The following SH3RF2 variants were observed in gnomAD, a reference collection of about 807,000 sequenced individuals.
SH3RF2 encodes E3 ubiquitin-protein ligase SH3RF2.
Under a neutral mutation model 59.0 loss-of-function variants are expected in SH3RF2, and 43 were observed. That is an observed-to-expected ratio of 0.73 (90% CI 0.57 to 0.94). The LOEUF (loss-of-function observed/expected upper bound fraction) is 0.94. SH3RF2 is among the 40% of genes least tolerant of loss of function. The pLI is 0.00. For synonymous variants in SH3RF2, 391 were observed against 391.5 expected (o/e 1.00, Z 0.01); for missense variants, 930 against 940.1 (o/e 0.99, Z 0.14).
At chr5:146,012,471 C>T (rs1031229722) in intron 4 of SH3RF2, among the ~76,000 whole-genome samples, 3 of 152,072 alleles carry the variant, frequency 2.0e-5, no homozygotes, top group Non-Finnish European at 2.9e-5. Flanking sequence ...TGGTAGAATT[C>T]GGCTGTGAAT....
At chr5:146,073,352 A>G (rs1763274940) in intron 9 of SH3RF2, among the ~76,000 whole-genome samples, 1 of 152,254 alleles carries the variant, frequency 6.6e-6, no homozygotes, top group Non-Finnish European at 1.5e-5. Context: ...CCCTCTGGGC[A>G]CTTGCAGCTT....
intron 2 of SH3RF2, among the ~76,000 whole-genome samples, chr5:145,999,234 TAAAG>T (rs1033528472): frequency 7.2e-5 from 11 of 152,208 alleles, no homozygotes; most frequent in African/African-American, 9.6e-5. Context: ...TTCATAGAAT[TAAAG>T]AAAGTTAGGA....
intron 4 of SH3RF2, among the ~76,000 whole-genome samples, chr5:146,006,686 C>T (rs1760659536): frequency 6.6e-6 from 1 of 152,160 alleles, no homozygotes. Flanking sequence ...AGACAGATCA[C>T]AGAGGACTTC....
chr5:146,004,342 TCTC>T (rs1389893284), intron 4 of SH3RF2, among the ~76,000 whole-genome samples, 189 bp downstream of exon 4: 21 of 152,340 alleles, frequency 1.4e-4, no homozygotes, highest in Admixed American at 9.8e-4. Flanking sequence ...CCTTTTCTAT[TCTC>T]CTGATGGGAA....
In SH3RF2 at chr5:145,983,551, C is replaced by A. The variant is rs570657630; in HGVS notation, c.379-16507C>A. ...AGATGAGTGTCAATGACACCCAGCTCATGGAAATGAGATTGGAGCCTCTCA... is the reference window on the plus strand; with the variant it reads ...AGATGAGTGTCAATGACACCCAGCTAATGGAAATGAGATTGGAGCCTCTCA... On this transcript the variant is annotated intron_variant, in intron 2 of 9. Coordinates refer to ENST00000359120, the MANE Select transcript of SH3RF2 (RefSeq NM_152550.4). Among the ~76,000 whole-genome samples, 23 of 152,300 alleles carry A rather than the reference C, an allele frequency of 1.5e-4. No homozygotes were observed. The South Asian group carries it at 4.8e-3, about 32-fold the overall frequency.
At chr5:145,950,817 T>C (rs1758164214) in intron 2 of SH3RF2, among the ~76,000 whole-genome samples, 1 of 152,248 alleles carries the variant, frequency 6.6e-6, no homozygotes, top group African/African-American at 2.4e-5. Context: ...AAACCCATTA[T>C]GTGCACAGGC....
intron 7 of SH3RF2, among the ~76,000 whole-genome samples, chr5:146,053,941 T>C (rs1762583525): frequency 6.6e-6 from 1 of 152,166 alleles, no homozygotes; most frequent in African/African-American, 2.4e-5. Flanking sequence ...TTTTTGAATA[T>C]TGGGCCAGCT....
At chr5:145,985,512 A>G (rs1229760299) in intron 2 of SH3RF2, among the ~76,000 whole-genome samples, 1 of 152,150 alleles carries the variant, frequency 6.6e-6, no homozygotes, top group Admixed American at 6.5e-5. Context: ...CCTCACTGGC[A>G]ATTTTGAGGA....
In SH3RF2 at chr5:145,957,876, G is replaced by A. The variant is rs144211532; in HGVS notation, c.378+19570G>A. ...GCCTGTAATCCCAATACTTTGAGAG[G>A]CCAAGGTGGGCAGATCATTTTAGGG... On this transcript the variant is annotated intron_variant, in intron 2 of 9. Coordinates refer to ENST00000359120, the MANE Select transcript of SH3RF2 (RefSeq NM_152550.4). Among the ~76,000 whole-genome samples the A allele has an allele frequency of 7.4e-3, 1,131 of 152,310 alleles. 14 individuals carry two copies. The highest frequency in any genetic ancestry group is 0.026 in the African/African-American group (1,071 of 41,566).
chr5:146,054,388 T>A (rs2032878144), intron 7 of SH3RF2, among the ~76,000 whole-genome samples: 1 of 151,932 alleles, frequency 6.6e-6, no homozygotes, highest in African/African-American at 2.4e-5. Context: ...TGCGAAAAAA[T>A]TTGAAATTTG....
intron 2 of SH3RF2, among the ~76,000 whole-genome samples, chr5:145,978,859 C>T (rs1561720729): frequency 6.6e-6 from 1 of 152,034 alleles, no homozygotes; most frequent in African/African-American, 2.4e-5. Flanking sequence ...TGAAATCTTC[C>T]TTTTTTTCAT....
At chr5:145,959,330 T>C (rs1389368424) in intron 2 of SH3RF2, among the ~76,000 whole-genome samples, 2 of 152,206 alleles carry the variant, frequency 1.3e-5, no homozygotes, top group Admixed American at 6.5e-5. Context: ...TTTGCTTTCA[T>C]CTGTGTTTGC....
At chr5:145,958,089 G>A (rs1197710513) in intron 2 of SH3RF2, among the ~76,000 whole-genome samples, 1 of 151,684 alleles carries the variant, frequency 6.6e-6, no homozygotes, top group East Asian at 1.9e-4. Context: ...CTCCAGCCTG[G>A]GCAACAAGAG....
At chr5:146,030,214 A>G (rs1168451775) in intron 5 of SH3RF2, among the ~76,000 whole-genome samples, 1 of 152,098 alleles carries the variant, frequency 6.6e-6, no homozygotes, top group Non-Finnish European at 1.5e-5. Flanking sequence ...AGTACTGATG[A>G]GAGAAATCTT....
intron 5 of SH3RF2, among the ~76,000 whole-genome samples, chr5:146,029,639 GCCTTCT>G (rs1239635782): frequency 6.6e-6 from 1 of 152,112 alleles, no homozygotes; most frequent in African/African-American, 2.4e-5. Context: ...TGAAAATCAG[GCCTTCT>G]TCCTAAGGAA....
chr5:146,058,729 C>T (rs369900289), intron 8 of SH3RF2, among the ~76,000 whole-genome samples: 1 of 152,090 alleles, frequency 6.6e-6, no homozygotes, highest in Non-Finnish European at 1.5e-5. Context: ...TGGGTGTCTC[C>T]TCCACTTCCC....
chr5:146,078,054 C>T (rs182529765), intron 9 of SH3RF2, among the ~76,000 whole-genome samples: 1 of 151,972 alleles, frequency 6.6e-6, no homozygotes, highest in Admixed American at 6.6e-5. Flanking sequence ...TGGTCAAGTG[C>T]CAACCTCTGA....
At chr5:145,939,040 T>C (rs367592245) in intron 2 of SH3RF2, among the ~76,000 whole-genome samples, 1 of 152,352 alleles carries the variant, frequency 6.6e-6, no homozygotes, top group Admixed American at 6.5e-5. Flanking sequence ...ATGCTTTTCA[T>C]GTTTGGATAA....
At chr5:145,976,385 C>T (rs1759295198) in intron 2 of SH3RF2, among the ~76,000 whole-genome samples, 1 of 146,564 alleles carries the variant, frequency 6.8e-6, no homozygotes, top group Non-Finnish European at 1.5e-5. Context: ...GGACCCACAA[C>T]AAACTCAATA....
Sources: gnomAD v4.1 joint callset for allele counts (sites outside exome capture counted in the v4.1 genomes callset) on GRCh38, gnomAD v4.1.1 for gene constraint, MANE v1.5 for transcripts, NCBI Gene and HGNC (gene_info 2026-07-23, HGNC 2026-07-21) for gene names.